The following CSTPP1 variants were observed in gnomAD, a reference collection of about 807,000 sequenced individuals.
CSTPP1 encodes the protein UPF0705 protein C11orf49.
At chr11:47,022,153 C>A in the CSTPP1 span, among the ~76,000 whole-genome samples, 1 of 59,610 alleles carries the variant, frequency 1.7e-5, no homozygotes, top group African/African-American at 8.7e-5. Context: ...CCCAAAATAT[C>A]TTAAACATGA....
the CSTPP1 span, among the ~76,000 whole-genome samples, chr11:47,053,311 C>A: frequency 6.6e-6 from 1 of 152,034 alleles, no homozygotes; most frequent in Non-Finnish European, 1.5e-5. Flanking sequence ...GCTGAAAGAT[C>A]ATTTTTTAGC....
chr11:46,981,783 G>A, the CSTPP1 span, among the ~76,000 whole-genome samples: 3 of 151,900 alleles, frequency 2.0e-5, no homozygotes, highest in Non-Finnish European at 2.9e-5. Flanking sequence ...TACCTACTTC[G>A]TTGGGTTGTA....
At chr11:47,136,064 T>C in the CSTPP1 span, among the ~76,000 whole-genome samples, 1 of 152,176 alleles carries the variant, frequency 6.6e-6, no homozygotes, top group Admixed American at 6.6e-5. Flanking sequence ...GGGGGATAAA[T>C]GTAAGTTCCT....
At chr11:47,060,258 CTTTTTT>C in the CSTPP1 span, among the ~76,000 whole-genome samples, 7 of 99,016 alleles carry the variant, frequency 7.1e-5, no homozygotes, top group South Asian at 3.4e-4. Flanking sequence ...CTTTTCTTTT[CTTTTTT>C]TTTTTTTTTT....
At chr11:47,097,417 T>C in the CSTPP1 span, among the ~76,000 whole-genome samples, 5 of 33,704 alleles carry the variant, frequency 1.5e-4, no homozygotes, top group Admixed American at 1.0e-3. Flanking sequence ...GAGGAGCCCC[T>C]CTGCCCGGCC....
the CSTPP1 span, chr11:47,162,094 G>C: frequency 1.0e-6 from 1 of 987,428 alleles, no homozygotes; most frequent in Non-Finnish European, 1.2e-6. Context: ...CATAACCGCT[G>C]TGGCCTGTTG....
chr11:46,997,615 G>A, the CSTPP1 span, among the ~76,000 whole-genome samples: 8 of 152,160 alleles, frequency 5.3e-5, no homozygotes, highest in African/African-American at 1.7e-4. Context: ...GAGGATCTGC[G>A]TTTCTTTGGA....
the CSTPP1 span, among the ~76,000 whole-genome samples, chr11:47,107,329 T>C: frequency 6.6e-6 from 1 of 152,154 alleles, no homozygotes; most frequent in East Asian, 1.9e-4. Flanking sequence ...ATTGAGTCCT[T>C]TCATTTCCTG....
chr11:46,987,175 A>AT, the CSTPP1 span: 18 of 1,598,566 alleles, frequency 1.1e-5, no homozygotes, highest in Non-Finnish European at 1.4e-5. Flanking sequence ...TCTTTCTCTC[A>AT]TTTTCTCTTT....
chr11:46,972,409 T>C, the CSTPP1 span, among the ~76,000 whole-genome samples: 1 of 152,244 alleles, frequency 6.6e-6, no homozygotes, highest in South Asian at 2.1e-4. Flanking sequence ...TTGTTGAGCA[T>C]TGGTGCCTGT....
the CSTPP1 span, among the ~76,000 whole-genome samples, chr11:47,005,186 G>T: frequency 6.6e-6 from 1 of 152,196 alleles, no homozygotes; most frequent in Non-Finnish European, 1.5e-5. Flanking sequence ...AACTTTTTAA[G>T]ATAGTGGTTT....
chr11:47,115,012 C>A, the CSTPP1 span, among the ~76,000 whole-genome samples: 3 of 152,078 alleles, frequency 2.0e-5, no homozygotes, highest in Admixed American at 1.3e-4. Flanking sequence ...TCCATCAATA[C>A]CTAGTTTATT....
At chr11:47,092,767 C>T in the CSTPP1 span, among the ~76,000 whole-genome samples, 1 of 152,182 alleles carries the variant, frequency 6.6e-6, no homozygotes, top group Admixed American at 6.6e-5. Flanking sequence ...ACCCAGCATC[C>T]AGTCAGGGTT....
chr11:47,102,462 G>A, the CSTPP1 span, among the ~76,000 whole-genome samples: 1 of 151,716 alleles, frequency 6.6e-6, no homozygotes, highest in Non-Finnish European at 1.5e-5. Flanking sequence ...CCTCCAAGGG[G>A]GCAAAAATTG....
the CSTPP1 span, among the ~76,000 whole-genome samples, chr11:47,006,686 G>A: frequency 6.6e-6 from 1 of 151,124 alleles, no homozygotes; most frequent in African/African-American, 2.4e-5. Flanking sequence ...CTGGGCTCAG[G>A]CAATCCTCTT....
the CSTPP1 span, among the ~76,000 whole-genome samples, chr11:47,148,170 C>G: frequency 6.6e-6 from 1 of 152,206 alleles, no homozygotes; most frequent in East Asian, 1.9e-4. Context: ...TTCCTCCCAC[C>G]TGGAGAAGGT....
At chr11:47,118,727 T>C in the CSTPP1 span, among the ~76,000 whole-genome samples, 3 of 152,184 alleles carry the variant, frequency 2.0e-5, no homozygotes. Flanking sequence ...TGCAGGTCTG[T>C]TGGAGTTTGC....
At chr11:46,992,485 G>A in the CSTPP1 span, among the ~76,000 whole-genome samples, 3 of 148,278 alleles carry the variant, frequency 2.0e-5, no homozygotes, top group African/African-American at 5.0e-5. Flanking sequence ...GAGAACATGC[G>A]GTGTTTGGTT....
At chr11:47,142,356 C>A in the CSTPP1 span, among the ~76,000 whole-genome samples, 1 of 151,986 alleles carries the variant, frequency 6.6e-6, no homozygotes, top group Non-Finnish European at 1.5e-5. Context: ...TACTTTTGCA[C>A]CAACCTAATA....
Sources: allele counts gnomAD v4.1 joint callset (sites outside exome capture counted in the v4.1 genomes callset), GRCh38; gene constraint gnomAD v4.1.1; transcripts MANE v1.5; gene names NCBI Gene and HGNC (gene_info 2026-07-23, HGNC 2026-07-21).